TMEM272: variants seen among roughly 807,000 people sequenced by gnomAD.
TMEM272 encodes the protein transmembrane protein 272.
TMEM272 carries 8 observed loss-of-function variants against 3.7 expected under a neutral mutation model. That is an observed-to-expected ratio of 2.17 (90% CI 1.27 to 3.91). The LOEUF (loss-of-function observed/expected upper bound fraction) is 3.91, where lower values mean the gene tolerates loss of function less well. TMEM272 is among the 30% of genes most tolerant of loss of function. The pLI, the probability that TMEM272 is intolerant of heterozygous loss-of-function variation, is 0.00. For synonymous variants in TMEM272, 63 were observed against 39.8 expected, an observed-to-expected ratio of 1.58 and a Z score of -2.20; for missense variants, 166 against 91.5, an observed-to-expected ratio of 1.81 and a Z score of -3.32.
At chr13:51,899,496 T>C in the TMEM272 span, among the ~76,000 whole-genome samples, 1 of 152,140 alleles carries the variant, frequency 6.6e-6, no homozygotes, top group Non-Finnish European at 1.5e-5. Flanking sequence ...TGAAAGAAAT[T>C]AAAGAAGGCC....
chr13:51,831,769 G>C (rs2139571690), intron 2 of TMEM272, among the ~76,000 whole-genome samples: 1 of 152,368 alleles, frequency 6.6e-6, no homozygotes, highest in East Asian at 1.9e-4. Flanking sequence ...TGTTGCGATT[G>C]CAGCGGCTTG....
At chr13:51,885,549 G>A in the TMEM272 span, among the ~76,000 whole-genome samples, 5 of 152,168 alleles carry the variant, frequency 3.3e-5, no homozygotes, top group Non-Finnish European at 5.9e-5. Context: ...CACAACATGT[G>A]GGGATTATCA....
chr13:51,869,491 A>T, the TMEM272 span, among the ~76,000 whole-genome samples: 1 of 142,824 alleles, frequency 7.0e-6, no homozygotes, highest in Non-Finnish European at 1.5e-5. Context: ...CAATTCAGTA[A>T]TTTTTTTTTT....
At chr13:51,900,039 T>C in the TMEM272 span, among the ~76,000 whole-genome samples, 1 of 152,150 alleles carries the variant, frequency 6.6e-6, no homozygotes, top group Non-Finnish European at 1.5e-5. Flanking sequence ...GTTAAAACTA[T>C]GGAACTCTTA....
the TMEM272 span, among the ~76,000 whole-genome samples, chr13:51,852,880 CA>C: frequency 0.052 from 5,707 of 110,472 alleles, 225 homozygotes; most frequent in African/African-American, 0.12. Flanking sequence ...AAAACTCCGT[CA>C]AAAAAAAAAA....
the TMEM272 span, among the ~76,000 whole-genome samples, chr13:51,853,825 G>C: frequency 3.3e-5 from 5 of 152,120 alleles, no homozygotes; most frequent in African/African-American, 1.2e-4. Context: ...ATAAGGATAG[G>C]AAATATATTA....
chr13:51,846,568 C>G (rs567050306), upstream of TMEM272, among the ~76,000 whole-genome samples: 1 of 152,148 alleles, frequency 6.6e-6, no homozygotes, highest in Non-Finnish European at 1.5e-5. Flanking sequence ...TACTCCTTTA[C>G]TTATATATAT....
At chr13:51,923,172 A>G in the TMEM272 span, among the ~76,000 whole-genome samples, 1 of 152,302 alleles carries the variant, frequency 6.6e-6, no homozygotes, top group Admixed American at 6.5e-5. Context: ...GCAAATCCTG[A>G]TGAGCCCTAG....
At chr13:51,921,779 A>T in the TMEM272 span, among the ~76,000 whole-genome samples, 3 of 152,188 alleles carry the variant, frequency 2.0e-5, no homozygotes, top group African/African-American at 4.8e-5. Context: ...TCTCACAGAC[A>T]TGTGCCCCCT....
chr13:51,818,939 C>T (rs1049632447), intron 4 of TMEM272, among the ~76,000 whole-genome samples: 1 of 152,130 alleles, frequency 6.6e-6, no homozygotes, highest in Non-Finnish European at 1.5e-5. Context: ...ATGAGAAGGG[C>T]AGTGGTCCAC....
At chr13:51,844,235 G>GAC (rs1375711046) in intron 1 of TMEM272, among the ~76,000 whole-genome samples, 6 of 150,886 alleles carry the variant, frequency 4.0e-5, no homozygotes, top group Non-Finnish European at 5.9e-5. Context: ...TGTATGTGTA[G>GAC]ACACACACAC....
chr13:51,895,335 T>C, the TMEM272 span, among the ~76,000 whole-genome samples: 1 of 152,136 alleles, frequency 6.6e-6, no homozygotes, highest in East Asian at 1.9e-4. Context: ...TCAGCTGCCA[T>C]TGTGGGGTGG....
chr13:51,894,062 A>G, the TMEM272 span, among the ~76,000 whole-genome samples: 1 of 152,256 alleles, frequency 6.6e-6, no homozygotes, highest in Non-Finnish European at 1.5e-5. Context: ...CTAAATGGAT[A>G]CAGACACACC....
At chr13:51,835,294 G>C (rs1443078339) in intron 2 of TMEM272, among the ~76,000 whole-genome samples, 2 of 149,750 alleles carry the variant, frequency 1.3e-5, no homozygotes, top group Non-Finnish European at 3.0e-5. Context: ...GTGCAATCTC[G>C]GCTCACTGCA....
the TMEM272 span, among the ~76,000 whole-genome samples, chr13:51,883,662 T>C: frequency 6.6e-6 from 1 of 152,226 alleles, no homozygotes; most frequent in Non-Finnish European, 1.5e-5. Flanking sequence ...TTGTGGACTC[T>C]ATCTGGGCCC....
At chr13:51,927,109 G>C in the TMEM272 span, among the ~76,000 whole-genome samples, 9 of 151,996 alleles carry the variant, frequency 5.9e-5, no homozygotes, top group Non-Finnish European at 1.0e-4. Flanking sequence ...AGTAATACAT[G>C]TTAACATTTT....
At chr13:51,890,965 A>T in the TMEM272 span, among the ~76,000 whole-genome samples, 1 of 152,220 alleles carries the variant, frequency 6.6e-6, no homozygotes, top group Non-Finnish European at 1.5e-5. Flanking sequence ...GTTGTCATGA[A>T]TGTTGTACAC....
chr13:51,859,306 G>A, the TMEM272 span, among the ~76,000 whole-genome samples: 1 of 152,038 alleles, frequency 6.6e-6, no homozygotes, highest in Non-Finnish European at 1.5e-5. Context: ...ACTTTGAAAA[G>A]TTTTGATATA....
chr13:51,834,371 G>A (rs1956197924), intron 2 of TMEM272, among the ~76,000 whole-genome samples: 1 of 152,124 alleles, frequency 6.6e-6, no homozygotes, highest in Non-Finnish European at 1.5e-5. Context: ...AGGAAAACGT[G>A]ATTCCTCCTC....
Sources: allele counts gnomAD v4.1 joint callset (sites outside exome capture counted in the v4.1 genomes callset), GRCh38; gene constraint gnomAD v4.1.1; transcripts MANE v1.5; gene names NCBI Gene and HGNC (gene_info 2026-07-23, HGNC 2026-07-21).